Variants in TOGARAM2 observed in about 807,000 individuals in gnomAD.
The protein encoded by TOGARAM2 is TOG array regulator of axonemal microtubules protein 2.
Under a neutral mutation model 93.3 loss-of-function variants are expected in TOGARAM2, and 85 were observed. That is an observed-to-expected ratio of 0.91 (90% CI 0.76 to 1.09). TOGARAM2 has a LOEUF of 1.09. Among genes scored for constraint, TOGARAM2 ranks in the 50% least tolerant of loss-of-function variants. The probability of loss-of-function intolerance (pLI) is 0.00; values close to 1 mark genes in which losing one functional copy is unlikely to be tolerated. For missense variants in TOGARAM2, 1,277 were observed against 1,334.5 expected (o/e 0.96, Z 0.67); for synonymous variants, 593 against 552.8 (o/e 1.07, Z -1.02).
intron 19 of TOGARAM2, chr2:29,046,656 G>C (rs1316815264): frequency 2.0e-5 from 3 of 152,326 alleles, no homozygotes; most frequent in African/African-American, 7.2e-5. Context: ...GGAGGATGTA[G>C]ATTCCACTTG....
intron 8 of TOGARAM2, among the ~76,000 whole-genome samples, chr2:29,015,256 A>G (rs1000323292): frequency 2.0e-5 from 3 of 152,016 alleles, no homozygotes; most frequent in African/African-American, 7.2e-5. Context: ...AAACACAAAC[A>G]ATGATTCAGT....
intron 18 of TOGARAM2, among the ~76,000 whole-genome samples, chr2:29,043,253 T>G (rs988666947): frequency 6.6e-6 from 1 of 152,192 alleles, no homozygotes; most frequent in Non-Finnish European, 1.5e-5. Flanking sequence ...TTAAAGCCGC[T>G]TGATTTGCGG....
At chr2:28,984,868 G>T (rs1672392589) in intron 1 of TOGARAM2, among the ~76,000 whole-genome samples, 1 of 152,194 alleles carries the variant, frequency 6.6e-6, no homozygotes, top group Non-Finnish European at 1.5e-5. Flanking sequence ...CACTGTAGTG[G>T]CAAGGTGACC....
At chr2:28,988,495 C>T (rs1318055339) in intron 1 of TOGARAM2, among the ~76,000 whole-genome samples, 1 of 152,156 alleles carries the variant, frequency 6.6e-6, no homozygotes, top group East Asian at 1.9e-4. Context: ...TAGCACTGGG[C>T]TCCCGCTCCA....
At chr2:29,023,992 G>T in intron 12 of TOGARAM2, 147 bp from the exon 13 acceptor site, 1 of 633,066 alleles carries the variant, frequency 1.6e-6, no homozygotes, top group South Asian at 2.0e-5. Context: ...CAGAGTGGCT[G>T]CAGGGTTTTT....
In TOGARAM2 at chr2:29,011,209, C is replaced by T. The variant is rs74608131; in HGVS notation, c.831-246C>T. On this transcript the variant is annotated intron_variant, in intron 6 of 19. Transcript: ENST00000379558. ...GGGTGTCAGCCTCCTGGGGAATGCG[C>T]GAGCTGCACTGCCAGGAAATGGGGC... 1.1e-3 allele frequency among the ~76,000 whole-genome samples: 168 copies of T among 152,356 alleles called. 1 individual carries two copies. The highest frequency in any genetic ancestry group is 6.6e-3 in the South Asian group (32 of 4,832).
At chr2:29,025,559 T>TCTGA (rs1193747946) in intron 13 of TOGARAM2, among the ~76,000 whole-genome samples, 1 of 152,132 alleles carries the variant, frequency 6.6e-6, no homozygotes, top group African/African-American at 2.4e-5. Context: ...GGCTTGTGCA[T>TCTGA]CTGAGTCCGC....
At chr2:29,015,565 C>T (rs891891859) in intron 8 of TOGARAM2, among the ~76,000 whole-genome samples, 10 of 152,178 alleles carry the variant, frequency 6.6e-5, no homozygotes, top group Admixed American at 4.6e-4. Flanking sequence ...AAATGATTGC[C>T]GTGTCTCTCT....
At chr2:28,985,773 C>T (rs1267056847) in intron 1 of TOGARAM2, among the ~76,000 whole-genome samples, 1 of 152,120 alleles carries the variant, frequency 6.6e-6, no homozygotes, top group Non-Finnish European at 1.5e-5. Flanking sequence ...AATGAATGTA[C>T]AAATATGTAC....
Position 29,024,329 on chromosome 2 carries a change from T to G in TOGARAM2, c.1808T>G (p.Val603Gly). 1.2e-6 allele frequency: 2 copies of G among 1,612,404 alleles called. No homozygotes were observed. Among genetic ancestry groups the G allele is most frequent in the Non-Finnish European group, 1.7e-6 (2 of 1,179,316 alleles). The change falls in exon 13 of 20, where the codon GTG becomes GGG. Residue 603 changes from valine to glycine, a missense_variant. Transcript: ENST00000379558. ...GQSLRAMVEN[V>G]TLARSLVVLT... ...TCTCTGAGGGCTATGGTGGAGAATGTGACCCTTGCCCGCTCCCTGGTGGTC... is the reference window on the plus strand; with the variant it reads ...TCTCTGAGGGCTATGGTGGAGAATGGGACCCTTGCCCGCTCCCTGGTGGTC...
chr2:28,958,717 A>G (rs1671759193), intron 1 of TOGARAM2, among the ~76,000 whole-genome samples: 1 of 152,076 alleles, frequency 6.6e-6, no homozygotes, highest in African/African-American at 2.4e-5. Flanking sequence ...ATTTTTTCTC[A>G]TCTTCACCAG....
intron 1 of TOGARAM2, among the ~76,000 whole-genome samples, chr2:28,958,917 C>T (rs139419692): frequency 1.3e-5 from 2 of 152,202 alleles, no homozygotes; most frequent in Non-Finnish European, 2.9e-5. Flanking sequence ...GAGCTTTCTG[C>T]GCGCCAGCCC....
At chr2:29,011,062 G>A (rs1272892034) in intron 6 of TOGARAM2, among the ~76,000 whole-genome samples, 2 of 152,170 alleles carry the variant, frequency 1.3e-5, no homozygotes, top group Non-Finnish European at 2.9e-5. Context: ...GAGAACTTGA[G>A]CTCAGTGCTG....
In TOGARAM2 at chr2:29,024,258, G is replaced by A; in HGVS notation, c.1737G>A (p.Gln579=). The A allele has an allele frequency of 2.5e-6, 4 of 1,612,896 alleles. No individual in the cohort carries two copies. The South Asian group carries it at 3.3e-5, about 13-fold the overall frequency. Residue 579 remains glutamine, a synonymous_variant, in exon 13 of 20, where the codon CAG becomes CAA. Coordinates refer to ENST00000379558, the MANE Select transcript of TOGARAM2 (RefSeq NM_199280.4). The part of the protein sequence containing the change: ...EAEEIARCLL[Q]KMADTNEFIQ... Reference sequence around the variant, plus strand: ...AGGAGATCGCCCGCTGCTTGCTGCAGAAGATGGCGGACACCAACGAGTTCA... The same window carrying A: ...AGGAGATCGCCCGCTGCTTGCTGCAAAAGATGGCGGACACCAACGAGTTCA...
At chr2:28,985,300 G>T (rs1254715268) in intron 1 of TOGARAM2, among the ~76,000 whole-genome samples, 1 of 151,950 alleles carries the variant, frequency 6.6e-6, no homozygotes, top group African/African-American at 2.4e-5. Context: ...CTTGATCTTG[G>T]ACTTCCCAGC....
At chr2:28,997,890 C>T (rs760532360) in intron 2 of TOGARAM2, among the ~76,000 whole-genome samples, 1 of 151,844 alleles carries the variant, frequency 6.6e-6, no homozygotes, top group Non-Finnish European at 1.5e-5. Context: ...AGCCAGGATG[C>T]GAGGAGGGAG....
At chr2:28,965,331 A>G (rs543581689) in intron 1 of TOGARAM2, among the ~76,000 whole-genome samples, 1 of 152,048 alleles carries the variant, frequency 6.6e-6, no homozygotes, top group Non-Finnish European at 1.5e-5. Flanking sequence ...ATCTGTTTTT[A>G]TTGCCCTTTT....
intron 14 of TOGARAM2, 72 bp downstream of exon 14, chr2:29,027,083 C>A: frequency 7.2e-7 from 1 of 1,396,188 alleles, no homozygotes; most frequent in East Asian, 2.7e-5. Context: ...CTGGGGCACA[C>A]AGCTTCAGCT....
chr2:29,010,529 G>C (rs527496373), intron 6 of TOGARAM2, among the ~76,000 whole-genome samples: 12 of 152,066 alleles, frequency 7.9e-5, no homozygotes, highest in East Asian at 1.9e-4. Context: ...AGGCACTGAG[G>C]GGGGCTGTCC....
Sources: allele counts gnomAD v4.1 joint callset (sites outside exome capture counted in the v4.1 genomes callset), GRCh38; gene constraint gnomAD v4.1.1; transcripts MANE v1.5; gene names NCBI Gene and HGNC (gene_info 2026-07-23, HGNC 2026-07-21).